CTNNA2: variants seen among roughly 807,000 people sequenced by gnomAD.
The protein encoded by CTNNA2 is catenin alpha 2, also known as catenin alpha-2.
A neutral mutation model predicts 101.0 loss-of-function variants in CTNNA2; 42 were observed. The observed-to-expected ratio is 0.42, with a 90% CI of 0.32 to 0.54. The LOEUF is 0.54. Among genes scored for constraint, CTNNA2 ranks in the 20% least tolerant of loss-of-function variants. The pLI, the probability that CTNNA2 is intolerant of heterozygous loss-of-function variation, is 0.14. For synonymous variants in CTNNA2, 450 were observed against 456.4 expected (o/e 0.99, Z 0.18); for missense variants, 871 against 1,223.1 (o/e 0.71, Z 4.29).
chr2:79,243,786 G>T (rs893598870), intron 2 of CTNNA2, among the ~76,000 whole-genome samples: 2 of 152,228 alleles, frequency 1.3e-5, no homozygotes, highest in African/African-American at 4.8e-5. Flanking sequence ...AAGGGAGAAG[G>T]GGTAAGGAAT....
At chr2:80,605,874 T>A (rs1159102901) in intron 16 of CTNNA2, among the ~76,000 whole-genome samples, 1 of 151,892 alleles carries the variant, frequency 6.6e-6, no homozygotes, top group Non-Finnish European at 1.5e-5. Context: ...TGCTTACAAT[T>A]TGTAGGTGTT....
chr2:80,537,385 A>G (rs1472514448), intron 9 of CTNNA2, among the ~76,000 whole-genome samples: 1 of 152,138 alleles, frequency 6.6e-6, no homozygotes, highest in African/African-American at 2.4e-5. Flanking sequence ...CATTAAACAT[A>G]TGTGTGCATG....
At chr2:79,772,444 C>T (rs995287002) in intron 3 of CTNNA2, among the ~76,000 whole-genome samples, 1 of 152,108 alleles carries the variant, frequency 6.6e-6, no homozygotes, top group African/African-American at 2.4e-5. Context: ...GGTTTAATTC[C>T]ATCTCAGATA....
rs201992476 is a variant in CTNNA2, at chr2:80,577,053, TATTA to T, written c.1893+2744_1893+2747del. 4.9e-3 allele frequency among the ~76,000 whole-genome samples: 748 copies of T among 152,278 alleles called. 11 individuals are homozygous for T. Among genetic ancestry groups the T allele is most frequent in the African/African-American group, 0.016 (683 of 41,560 alleles). On this transcript the variant is annotated intron_variant, in intron 13 of 18. Transcript: ENST00000402739. The stretch of plus-strand genomic sequence containing the variant: ...CGTGGCCTCTTAAGGTGTCTAGTTT[TATTA>T]ATTAGAAATAGTTCAGTATGATTAA...
chr2:79,460,756 C>A (rs1312049719), intron 4 of CTNNA2, among the ~76,000 whole-genome samples: 1 of 152,194 alleles, frequency 6.6e-6, no homozygotes, highest in African/African-American at 2.4e-5. Context: ...GACTCGTCAA[C>A]ACTACATACA....
At chr2:80,190,868 G>A (rs1028182607) in intron 7 of CTNNA2, among the ~76,000 whole-genome samples, 4 of 152,154 alleles carry the variant, frequency 2.6e-5, no homozygotes, top group Non-Finnish European at 5.9e-5. Context: ...GTCCATCTCT[G>A]AGGCAGCTGG....
At chr2:79,382,488 A>G (rs1043244876) in intron 4 of CTNNA2, among the ~76,000 whole-genome samples, 4 of 152,168 alleles carry the variant, frequency 2.6e-5, no homozygotes, top group African/African-American at 9.7e-5. Context: ...AAGGTTTCCA[A>G]TTATCTTATG....
At chr2:79,953,101 T>A (rs1688998311) in intron 7 of CTNNA2, among the ~76,000 whole-genome samples, 1 of 152,190 alleles carries the variant, frequency 6.6e-6, no homozygotes, top group African/African-American at 2.4e-5. Context: ...CATCGAGGCA[T>A]GTGGGTCCTT....
intron 7 of CTNNA2, among the ~76,000 whole-genome samples, chr2:80,042,865 C>G (rs188250116): frequency 2.0e-4 from 30 of 152,282 alleles, no homozygotes; most frequent in Admixed American, 1.3e-3. Context: ...AAATGCCTTA[C>G]AGCCTTGGGT....
intron 7 of CTNNA2, among the ~76,000 whole-genome samples, chr2:80,111,340 C>T (rs1244499690): frequency 6.6e-6 from 1 of 152,176 alleles, no homozygotes; most frequent in Admixed American, 6.5e-5. Flanking sequence ...TGCCTGGGGG[C>T]TATGACTACA....
At chr2:80,244,799 C>T (rs938192382) in intron 7 of CTNNA2, among the ~76,000 whole-genome samples, 2 of 152,166 alleles carry the variant, frequency 1.3e-5, no homozygotes, top group African/African-American at 4.8e-5. Context: ...TATCCCAGAT[C>T]TAACCATCCT....
intron 15 of CTNNA2, among the ~76,000 whole-genome samples, chr2:80,594,712 G>C (rs1696796555): frequency 6.6e-6 from 1 of 151,896 alleles, no homozygotes; most frequent in Non-Finnish European, 1.5e-5. Context: ...TGCTGCTTTT[G>C]CATGTAGATA....
intron 4 of CTNNA2, among the ~76,000 whole-genome samples, chr2:79,412,643 C>T (rs1678428591): frequency 6.6e-6 from 1 of 152,084 alleles, no homozygotes; most frequent in East Asian, 1.9e-4. Flanking sequence ...TCCTGAATGA[C>T]TACTGGGTAC....
At chr2:79,403,756 A>T (rs557807482) in intron 4 of CTNNA2, among the ~76,000 whole-genome samples, 20 of 152,180 alleles carry the variant, frequency 1.3e-4, no homozygotes, top group Non-Finnish European at 2.4e-4. Context: ...ACAAAAATCT[A>T]AAAGTAGGGT....
chr2:80,216,260 C>T (rs983098389), intron 7 of CTNNA2, among the ~76,000 whole-genome samples: 6 of 152,162 alleles, frequency 3.9e-5, no homozygotes, highest in Admixed American at 3.3e-4. Flanking sequence ...GTGGGCTACA[C>T]CCACTGTCCG....
chr2:80,009,023 A>G (rs759722869), intron 7 of CTNNA2, among the ~76,000 whole-genome samples: 3 of 152,206 alleles, frequency 2.0e-5, no homozygotes, highest in African/African-American at 4.8e-5. Flanking sequence ...AAAGACATAC[A>G]TACAAACTAT....
At chr2:79,529,707 A>G (rs1234559589) in intron 1 of CTNNA2, among the ~76,000 whole-genome samples, 1 of 121,540 alleles carries the variant, frequency 8.2e-6, no homozygotes, top group East Asian at 2.4e-4. Flanking sequence ...CACACTTGGA[A>G]AAGAAATATG....
intron 2 of CTNNA2, among the ~76,000 whole-genome samples, chr2:79,221,138 C>G (rs965051979): frequency 1.7e-5 from 1 of 57,418 alleles, no homozygotes; most frequent in Non-Finnish European, 4.2e-5. Context: ...AAAAAAATCT[C>G]AAATTTGTTT....
At chr2:79,746,393 T>C (rs1671649039) in intron 3 of CTNNA2, among the ~76,000 whole-genome samples, 1 of 152,172 alleles carries the variant, frequency 6.6e-6, no homozygotes, top group African/African-American at 2.4e-5. Context: ...ACACAGAGAA[T>C]TTTTAAATTT....
Sources: allele counts gnomAD v4.1 joint callset (sites outside exome capture counted in the v4.1 genomes callset), GRCh38; gene constraint gnomAD v4.1.1; transcripts MANE v1.5; gene names NCBI Gene and HGNC (gene_info 2026-07-23, HGNC 2026-07-21).